Variants in ILKAP observed in about 807,000 individuals in gnomAD.
ILKAP encodes the protein ILK associated serine/threonine phosphatase, also known as integrin-linked kinase-associated serine/threonine phosphatase 2C.
In ILKAP, 11 loss-of-function variants were observed where a neutral mutation model predicts 49.1. The ratio of observed to expected loss-of-function variants is 0.22; its 90% CI spans 0.14 to 0.37. The LOEUF (loss-of-function observed/expected upper bound fraction) is 0.37. Ranked by LOEUF, ILKAP falls within the 10% of genes least tolerant of loss-of-function variation. ILKAP has a pLI of 1.00. For missense variants in ILKAP, 363 were observed against 510.8 expected (o/e 0.71, Z 2.79); for synonymous variants, 186 against 192.8 (o/e 0.96, Z 0.29).
At chr2:238,170,798 C>CTCACTGGT in intron 11 of ILKAP, 122 bp from the exon 12 acceptor site, 1 of 1,504,552 alleles carries the variant, frequency 6.6e-7, no homozygotes, top group Non-Finnish European at 9.3e-7. Context: ...GACAAACTGA[C>CTCACTGGT]CAGTGAGTCA....
intron 9 of ILKAP, among the ~76,000 whole-genome samples, chr2:238,176,415 G>C (rs1038941644): frequency 6.6e-6 from 1 of 152,292 alleles, no homozygotes; most frequent in Non-Finnish European, 1.5e-5. Flanking sequence ...ACAGGCGTGA[G>C]CCACCACGCC....
chr2:238,172,752 A>G (rs1286009162), intron 10 of ILKAP, among the ~76,000 whole-genome samples: 1 of 152,192 alleles, frequency 6.6e-6, no homozygotes, highest in Non-Finnish European at 1.5e-5. Context: ...TCGGAGGCCC[A>G]CTCGCCACAG....
intron 9 of ILKAP, 67 bp from the exon 10 acceptor site, chr2:238,173,720 T>A (rs78806474): frequency 6.5e-7 from 1 of 1,532,216 alleles, no homozygotes; most frequent in Non-Finnish European, 8.9e-7. Flanking sequence ...ACTTAGAATC[T>A]CACCTTAAAA....
In ILKAP at chr2:238,184,106, T is replaced by G; in HGVS notation, c.540A>C (p.Val180=). 1.3e-6 allele frequency: 2 copies of G among 1,570,358 alleles called. No homozygotes were observed. The highest frequency in any genetic ancestry group is 1.8e-6 in the Non-Finnish European group (2 of 1,140,078). Residue 180 remains valine, a synonymous_variant, in exon 7 of 12, where the codon GTA becomes GTC. Coordinates refer to ENST00000254654, the MANE Select transcript of ILKAP (RefSeq NM_030768.3). ...TCTTCACGGTTTTCTCTACACTGAT[T>G]ACATCTCCTATTACAGAAGGGCCAA... The part of the protein sequence containing the change: ...NLIRKFPKGD[V]ISVEKTVKRC...
chr2:238,199,490 C>T (rs1292349148), intron 1 of ILKAP, among the ~76,000 whole-genome samples: 1 of 152,154 alleles, frequency 6.6e-6, no homozygotes, highest in Admixed American at 6.5e-5. Context: ...GTTGATGGGC[C>T]ATTTGTATTC....
chr2:238,171,503 G>T (rs1248098010), intron 10 of ILKAP, among the ~76,000 whole-genome samples: 1 of 152,146 alleles, frequency 6.6e-6, no homozygotes, highest in Non-Finnish European at 1.5e-5. Flanking sequence ...TGAGACAAAG[G>T]TTTAAACTAC....
intron 9 of ILKAP, among the ~76,000 whole-genome samples, chr2:238,175,777 ACT>A (rs927660969): frequency 1.3e-5 from 2 of 151,628 alleles, no homozygotes; most frequent in East Asian, 3.9e-4. Context: ...TTTCACCGGA[ACT>A]CTTTTTTGTT....
intron 7 of ILKAP, 37 bp from the exon 8 acceptor site, chr2:238,183,777 A>G (rs1376656349): frequency 6.8e-7 from 1 of 1,478,656 alleles, no homozygotes. Flanking sequence ...GTCACCACCA[A>G]TAGCCCAGCA....
chr2:238,193,297 T>C (rs1460441621), intron 3 of ILKAP, among the ~76,000 whole-genome samples: 2 of 152,182 alleles, frequency 1.3e-5, no homozygotes, highest in East Asian at 3.9e-4. Context: ...CTCAGCTCAC[T>C]GCAACCTCTG....
At chr2:238,183,820 GTATCT>G in intron 7 of ILKAP, 80 bp from the exon 8 acceptor site, 2 of 1,099,222 alleles carry the variant, frequency 1.8e-6, no homozygotes, top group Non-Finnish European at 2.7e-6. Context: ...TCAATGGGAA[GTATCT>G]TATATTTCAA....
intron 11 of ILKAP, 22 bp from the exon 12 acceptor site, chr2:238,170,698 G>A: frequency 2.5e-6 from 4 of 1,592,724 alleles, no homozygotes; most frequent in Non-Finnish European, 3.4e-6. Context: ...GAAAGGGAAT[G>A]AGTGAATGGA....
chr2:238,189,297 G>A (rs776968651), intron 4 of ILKAP, among the ~76,000 whole-genome samples: 2 of 151,926 alleles, frequency 1.3e-5, no homozygotes, highest in Admixed American at 6.6e-5. Flanking sequence ...GCGACAGAGC[G>A]AGACTCTGTC....
At chr2:238,199,460 T>G (rs541349831) in intron 1 of ILKAP, among the ~76,000 whole-genome samples, 2 of 152,206 alleles carry the variant, frequency 1.3e-5, no homozygotes, top group African/African-American at 4.8e-5. Context: ...AAAAGGTAAA[T>G]AGTTCCTCAG....
chr2:238,190,643 A>T (rs1018761077), intron 3 of ILKAP, among the ~76,000 whole-genome samples: 4 of 152,166 alleles, frequency 2.6e-5, no homozygotes, highest in Admixed American at 6.5e-5. Context: ...ATGGGTCAGG[A>T]CAAGTAGGAA....
intron 1 of ILKAP, among the ~76,000 whole-genome samples, chr2:238,196,779 G>A (rs1014261151): frequency 2.0e-5 from 3 of 152,130 alleles, no homozygotes; most frequent in African/African-American, 7.2e-5. Flanking sequence ...TAATACAAAT[G>A]GGAAAATGTA....
intron 8 of ILKAP, among the ~76,000 whole-genome samples, chr2:238,182,630 G>C (rs1241092226): frequency 6.6e-6 from 1 of 152,208 alleles, no homozygotes; most frequent in Admixed American, 6.5e-5. Context: ...AGTGCCTCCA[G>C]GTGTTCTCGC....
In ILKAP at chr2:238,188,292, C is replaced by T. The variant is rs202009900; in HGVS notation, c.299-35G>A. The T allele has an allele frequency of 1.2e-5, 20 of 1,604,664 alleles. No individual in the cohort carries two copies. In the East Asian group the frequency reaches 2.2e-4, roughly 18 times the overall value. ...AGAGAACAAAAGAGCCAATACAAAA[C>T]TGTGCCCAACCCTCTGGAAACCCTA... On this transcript the variant is annotated intron_variant, in intron 4 of 11. Coordinates refer to ENST00000254654, the MANE Select transcript of ILKAP (RefSeq NM_030768.3).
intron 8 of ILKAP, among the ~76,000 whole-genome samples, chr2:238,183,331 C>A (rs1045343941): frequency 2.0e-5 from 3 of 152,156 alleles, no homozygotes; most frequent in Non-Finnish European, 4.4e-5. Flanking sequence ...AAGATTTAGG[C>A]TACTTGCATA....
At chr2:238,194,659 T>C (rs549261016) in intron 2 of ILKAP, 146 bp downstream of exon 2, 32 of 782,274 alleles carry the variant, frequency 4.1e-5, no homozygotes, top group African/African-American at 3.8e-4. Context: ...CCTTACCTGA[T>C]GCCATGGATT....
Sources: allele counts gnomAD v4.1 joint callset (sites outside exome capture counted in the v4.1 genomes callset), GRCh38; gene constraint gnomAD v4.1.1; transcripts MANE v1.5; gene names NCBI Gene and HGNC (gene_info 2026-07-23, HGNC 2026-07-21).